R3HDM1: variants seen among roughly 807,000 people sequenced by gnomAD.
R3HDM1 encodes R3H domain-containing protein 1.
Under a neutral mutation model 141.1 loss-of-function variants are expected in R3HDM1, and 46 were observed. The ratio of observed to expected loss-of-function variants is 0.33; its 90% CI spans 0.26 to 0.42. The LOEUF is 0.42. Among genes scored for constraint, R3HDM1 ranks in the 10% least tolerant of loss-of-function variants. The pLI is 1.00. For synonymous variants in R3HDM1, 435 were observed against 472.9 expected, an observed-to-expected ratio of 0.92 and a Z score of 1.04; for missense variants, 1,184 against 1,368.3, an observed-to-expected ratio of 0.87 and a Z score of 2.12.
Position 135,702,668 on chromosome 2 carries a change from AAT to A in R3HDM1, c.2460-6762_2460-6761del, listed in dbSNP as rs1400400588. The stretch of plus-strand genomic sequence containing the variant: ...CCGTCTCAAAAAAAAAAAAAAAAAA[AAT>A]ATCAGGCATGGTGATGTGTGCCTGT... On this transcript the variant is annotated intron_variant, in intron 21 of 26. Transcript: ENST00000683871. 3.5e-3 allele frequency among the ~76,000 whole-genome samples: 526 copies of A among 151,298 alleles called. 3 individuals are homozygous for A. Among genetic ancestry groups the A allele is most frequent in the African/African-American group, 0.012 (495 of 41,110 alleles).
At position 135,724,449 on chromosome 2, in the gene R3HDM1, G is replaced by T. The variant is rs543535550; in HGVS notation, c.*157G>T. ...AGAAAGGCCAGTGATCCAGCAAAGG[G>T]GGAAAAATATGCATTTCACCCCACA... On this transcript the variant is annotated 3_prime_UTR_variant, in exon 27 of 27. Transcript: ENST00000683871. 1.0e-4 allele frequency: 57 copies of T among 570,934 alleles called. No individual in the cohort carries two copies. Among genetic ancestry groups the T allele is most frequent in the Non-Finnish European group, 1.6e-4 (53 of 334,836 alleles). 35.4% of individuals were successfully genotyped at this position (570,934 alleles called of 1,614,324 possible). A position where few individuals can be genotyped will look rare whatever the true frequency, so the allele number is the denominator to read the frequency against.
intron 19 of R3HDM1, among the ~76,000 whole-genome samples, chr2:135,663,928 G>A (rs551008369): frequency 6.6e-6 from 1 of 151,880 alleles, no homozygotes; most frequent in Non-Finnish European, 1.5e-5. Flanking sequence ...CAGCTACTCG[G>A]GAGGCTGAGG....
chr2:135,589,065 G>A (rs889883373), intron 1 of R3HDM1, among the ~76,000 whole-genome samples: 2 of 151,998 alleles, frequency 1.3e-5, no homozygotes, highest in East Asian at 3.9e-4. Flanking sequence ...TAGCATTTAC[G>A]TGTTTAGATA....
chr2:135,579,735 GC>G (rs921679868), intron 1 of R3HDM1, among the ~76,000 whole-genome samples: 2 of 152,098 alleles, frequency 1.3e-5, no homozygotes, highest in African/African-American at 4.8e-5. Context: ...TACCAAAAAT[GC>G]CTAAGTTCAG....
chr2:135,699,097 A>AGATC (rs1559467419), intron 21 of R3HDM1, among the ~76,000 whole-genome samples: 1 of 151,738 alleles, frequency 6.6e-6, no homozygotes, highest in African/African-American at 2.4e-5. Flanking sequence ...ATAGATAGAT[A>AGATC]GATAGATTAG....
intron 1 of R3HDM1, among the ~76,000 whole-genome samples, chr2:135,567,344 G>C (rs575945422): frequency 2.0e-5 from 3 of 152,226 alleles, no homozygotes; most frequent in Non-Finnish European, 4.4e-5. Flanking sequence ...GTCATATATA[G>C]ACAGTAACTT....
intron 1 of R3HDM1, among the ~76,000 whole-genome samples, chr2:135,574,822 TG>T (rs1210026504): frequency 6.6e-6 from 1 of 152,172 alleles, no homozygotes; most frequent in Non-Finnish European, 1.5e-5. Flanking sequence ...ATTTTTGAAA[TG>T]ATAAAATTTA....
chr2:135,701,349 G>A (rs2074179168), intron 21 of R3HDM1, among the ~76,000 whole-genome samples: 1 of 152,024 alleles, frequency 6.6e-6, no homozygotes, highest in African/African-American at 2.4e-5. Context: ...GTTACAGTGA[G>A]CTACAATCTT....
intron 21 of R3HDM1, among the ~76,000 whole-genome samples, chr2:135,698,980 C>CGAT (rs1451541699): frequency 9.0e-5 from 7 of 78,130 alleles, no homozygotes; most frequent in African/African-American, 3.4e-4. Flanking sequence ...ATATTACACT[C>CGAT]AGATAGATAG....
In R3HDM1 at chr2:135,722,573, C is replaced by T; in HGVS notation, c.3049+20C>T. On this transcript the variant is annotated intron_variant, in intron 26 of 26. Coordinates refer to ENST00000683871, the MANE Select transcript of R3HDM1 (RefSeq NM_001378107.1). ...AAACAGGTATGTCTCTGAGGGGCAACTAGATGTGGGTCTGCAAACTGGTGA... is the reference window on the plus strand; with the variant it reads ...AAACAGGTATGTCTCTGAGGGGCAATTAGATGTGGGTCTGCAAACTGGTGA... The T allele has an allele frequency of 6.2e-7, 1 of 1,605,878 alleles. No individual in the cohort carries two copies. The highest frequency in any genetic ancestry group is 8.5e-7 in the Non-Finnish European group (1 of 1,175,716).
intron 1 of R3HDM1, among the ~76,000 whole-genome samples, chr2:135,540,333 C>T (rs964729886): frequency 2.0e-5 from 3 of 152,182 alleles, no homozygotes; most frequent in Admixed American, 2.0e-4. Context: ...ATTTCTTCCA[C>T]ACTCTTGTTG....
Position 135,667,608 on chromosome 2 carries a change from T to G in R3HDM1, c.2152+6215T>G, listed in dbSNP as rs544788912. 4.2e-6 allele frequency: 4 copies of G among 958,196 alleles called. No homozygotes were observed. In the South Asian group the frequency reaches 1.4e-4, roughly 35 times the overall value. 59.4% of individuals were successfully genotyped at this position (958,196 alleles called of 1,614,324 possible). A position where few individuals can be genotyped will look rare whatever the true frequency, so the allele number is the denominator to read the frequency against. The stretch of plus-strand genomic sequence containing the variant: ...ATTCTAATATACTAAAATATACTTT[T>G]TAGTGAAGAAAGAATAATTTATGTG... On this transcript the variant is annotated intron_variant, in intron 19 of 26. Transcript: ENST00000683871.
intron 21 of R3HDM1, among the ~76,000 whole-genome samples, chr2:135,687,619 A>G (rs1248445897): frequency 1.3e-5 from 2 of 150,402 alleles, no homozygotes; most frequent in Admixed American, 6.6e-5. Flanking sequence ...AAAGCAACAA[A>G]TATTTTTATT....
intron 19 of R3HDM1, among the ~76,000 whole-genome samples, chr2:135,664,010 G>C (rs2067122520): frequency 6.7e-6 from 1 of 148,304 alleles, no homozygotes; most frequent in Non-Finnish European, 1.5e-5. Flanking sequence ...CTCCAGCCTG[G>C]GCAACAGAGT....
At chr2:135,574,018 A>T (rs1232292631) in intron 1 of R3HDM1, among the ~76,000 whole-genome samples, 1 of 152,188 alleles carries the variant, frequency 6.6e-6, no homozygotes, top group African/African-American at 2.4e-5. Flanking sequence ...AATAATAAGG[A>T]TAAAAGCAGA....
At chr2:135,549,561 CAA>C (rs1236257586) in intron 1 of R3HDM1, among the ~76,000 whole-genome samples, 6 of 67,470 alleles carry the variant, frequency 8.9e-5, no homozygotes, top group Admixed American at 1.5e-4. Context: ...AACTCTGCCT[CAA>C]AAAAAAAAAA....
intron 1 of R3HDM1, among the ~76,000 whole-genome samples, chr2:135,572,718 TAGC>T (rs570833390): frequency 9.3e-5 from 14 of 150,834 alleles, no homozygotes; most frequent in African/African-American, 2.2e-4. Flanking sequence ...TGAATGTTCA[TAGC>T]AGCATATTTA....
intron 21 of R3HDM1, among the ~76,000 whole-genome samples, chr2:135,701,615 G>C (rs923478018): frequency 5.9e-5 from 9 of 152,130 alleles, no homozygotes; most frequent in Admixed American, 4.6e-4. Context: ...TCATCAAGTC[G>C]TGACAGTGTT....
intron 1 of R3HDM1, chr2:135,565,802 CCCAACA>C (rs1189336221): frequency 2.0e-5 from 3 of 152,610 alleles, no homozygotes; most frequent in African/African-American, 4.8e-5. Flanking sequence ...GGTGATCAGA[CCCAACA>C]CCAGGTCATG....
Sources: gnomAD v4.1 joint callset for allele counts (sites outside exome capture counted in the v4.1 genomes callset) on GRCh38, gnomAD v4.1.1 for gene constraint, MANE v1.5 for transcripts, NCBI Gene and HGNC (gene_info 2026-07-23, HGNC 2026-07-21) for gene names.